The following PHACTR2 variants were observed in gnomAD, a reference collection of about 807,000 sequenced individuals.
PHACTR2 encodes phosphatase and actin regulator 2, also known as chromosome 6 open reading frame 56.
A neutral mutation model predicts 76.0 loss-of-function variants in PHACTR2; 30 were observed. The observed-to-expected ratio is 0.39, with a 90% CI of 0.30 to 0.54. The LOEUF (loss-of-function observed/expected upper bound fraction) is 0.54, where lower values mean the gene tolerates loss of function less well. Ranked by LOEUF, PHACTR2 falls within the 20% of genes least tolerant of loss-of-function variation. The pLI, the probability that PHACTR2 is intolerant of heterozygous loss-of-function variation, is 0.61. For synonymous variants in PHACTR2, 292 were observed against 292.5 expected (o/e 1.00, Z 0.02); for missense variants, 696 against 781.1 (o/e 0.89, Z 1.30).
rs527584131 is a variant in PHACTR2 at position 143,816,673 on chromosome 6, T to C, written c.1923-7001T>C. ...CTGTGTACTGCGATCCATGGGCAAATGGTGTGTGCAGGAAAAAAAAAAAAA... is the reference window on the plus strand; with the variant it reads ...CTGTGTACTGCGATCCATGGGCAAACGGTGTGTGCAGGAAAAAAAAAAAAA... On this transcript the variant is annotated intron_variant, in intron 12 of 12. Coordinates refer to ENST00000440869, the MANE Select transcript of PHACTR2 (RefSeq NM_001100164.2). The surrounding 1 kb of genome is among the most constrained non-coding windows in gnomAD (Gnocchi z 4.5). Among the ~76,000 whole-genome samples, 1 of 151,456 alleles carries C rather than the reference T, an allele frequency of 6.6e-6. No homozygotes were observed. The highest frequency in any genetic ancestry group is 1.9e-4 in the East Asian group (1 of 5,146).
In PHACTR2 at chr6:143,697,125, G is replaced by A. The variant is rs1358594489; in HGVS notation, c.47-14891G>A. 6.6e-6 allele frequency among the ~76,000 whole-genome samples: 1 copy of A among 152,078 alleles called. No homozygotes were observed. The highest frequency in any genetic ancestry group is 2.4e-5 in the African/African-American group (1 of 41,414). On this transcript the variant is annotated intron_variant, in intron 1 of 12. Transcript: ENST00000440869. This position sits in a 1 kb window ranked among gnomAD's most constrained non-coding sequence, Gnocchi z 4.4. Reference sequence around the variant, plus strand: ...TCTGTCATAATGCTATATTATCAAAGAATTTAATTTCAGATTAAAATGGTT... The same window carrying A: ...TCTGTCATAATGCTATATTATCAAAAAATTTAATTTCAGATTAAAATGGTT...
At chr6:143,702,338 A>T (rs563476872) in intron 1 of PHACTR2, among the ~76,000 whole-genome samples, 2 of 151,932 alleles carry the variant, frequency 1.3e-5, no homozygotes, top group South Asian at 4.2e-4. Context: ...CGATCTCTTG[A>T]CCTTGTGATC....
At chr6:143,545,089 A>T (rs570928610) in intron 1 of PHACTR2, among the ~76,000 whole-genome samples, 8 of 152,202 alleles carry the variant, frequency 5.3e-5, no homozygotes, top group Non-Finnish European at 1.2e-4. Context: ...GACTACAGGC[A>T]TGTGCCATCA....
Position 143,802,596 on chromosome 6 carries a change from G to T in PHACTR2, c.1846-4461G>T, listed in dbSNP as rs191140165. 2.0e-3 allele frequency among the ~76,000 whole-genome samples: 272 copies of T among 133,918 alleles called. 2 individuals are homozygous for T. Among genetic ancestry groups the T allele is most frequent in the Non-Finnish European group, 2.0e-3 (130 of 65,326 alleles). The allele number at this position is 133,918 out of a possible 152,430, so 87.9% of individuals were successfully genotyped here. ...TTGGAATTTGAGGCTACAATGAGCT[G>T]TGATCACACCACCTGCACTCCAGCC... On this transcript the variant is annotated intron_variant, in intron 11 of 12. Coordinates refer to ENST00000440869, the MANE Select transcript of PHACTR2 (RefSeq NM_001100164.2).
chr6:143,609,798 T>TA (rs879431254), intron 1 of PHACTR2, among the ~76,000 whole-genome samples: 11 of 152,334 alleles, frequency 7.2e-5, no homozygotes, highest in African/African-American at 2.6e-4. Context: ...AAAGGCCATT[T>TA]AAAAAAAGGA....
At chr6:143,686,789 A>G (rs1181395763) in intron 1 of PHACTR2, among the ~76,000 whole-genome samples, 1 of 152,000 alleles carries the variant, frequency 6.6e-6, no homozygotes, top group Non-Finnish European at 1.5e-5. Flanking sequence ...CCACCCAGGA[A>G]CTTCATTCTT....
At chr6:143,790,676 CT>C (rs758900964) in intron 11 of PHACTR2, among the ~76,000 whole-genome samples, 1,863 of 140,074 alleles carry the variant, frequency 0.013, 31 homozygotes, top group African/African-American at 0.044. Flanking sequence ...TAACAAGATT[CT>C]TTTTTTTTTT....
At chr6:143,724,275 G>C (rs2128464040) in intron 2 of PHACTR2, among the ~76,000 whole-genome samples, 1 of 152,160 alleles carries the variant, frequency 6.6e-6, no homozygotes, top group African/African-American at 2.4e-5. Flanking sequence ...GGGACCACAG[G>C]TTCCCGCCAC....
chr6:143,711,062 C>CA (rs777534115), intron 1 of PHACTR2: 3 of 516,098 alleles, frequency 5.8e-6, no homozygotes, highest in South Asian at 1.4e-5. Flanking sequence ...AAGTGAAATG[C>CA]AAAAAATTGT....
rs1776480599 is a variant in PHACTR2, at chr6:143,823,859, C to T, written c.*170C>T. ...GGAAGTGCTCCTCACCTGTGTGGCC[C>T]AGATGGCTCCAACAAGCAAAAGGAA... On this transcript the variant is annotated 3_prime_UTR_variant, in exon 13 of 13. Coordinates refer to ENST00000440869, the MANE Select transcript of PHACTR2 (RefSeq NM_001100164.2). This position sits in a 1 kb window ranked among gnomAD's most constrained non-coding sequence, Gnocchi z 5.7. 3.6e-6 allele frequency: 2 copies of T among 561,914 alleles called. No homozygotes were observed. Among genetic ancestry groups the T allele is most frequent in the African/African-American group, 1.8e-5 (1 of 54,284 alleles). 34.8% of individuals were successfully genotyped at this position (561,914 alleles called of 1,614,324 possible). A position where few individuals can be genotyped will look rare whatever the true frequency, so the allele number is the denominator to read the frequency against.
Position 143,591,674 on chromosome 6 carries a change from C to T in PHACTR2, c.217+54467C>T, listed in dbSNP as rs887642364. Among the ~76,000 whole-genome samples the T allele has an allele frequency of 1.3e-5, 2 of 152,228 alleles. No individual in the cohort carries two copies. The highest frequency in any genetic ancestry group is 4.8e-5 in the African/African-American group (2 of 41,456). ...GAATTGAGGACATCTCAGAGAATTC[C>T]AGTGGCGATAGATGACGATCCCAAT... On this transcript the variant is annotated intron_variant, in intron 1 of 11. Transcript: ENST00000367584. The surrounding 1 kb of genome is among the most constrained non-coding windows in gnomAD (Gnocchi z 6.4).
intron 2 of PHACTR2, among the ~76,000 whole-genome samples, chr6:143,724,680 T>C (rs1385179080): frequency 2.0e-5 from 3 of 152,244 alleles, no homozygotes; most frequent in Non-Finnish European, 4.4e-5. Context: ...AAACATTTCC[T>C]GTAAATAGCC....
chr6:143,797,243 T>G (rs112064095), intron 11 of PHACTR2, among the ~76,000 whole-genome samples: 3,461 of 152,300 alleles, frequency 0.023, 128 homozygotes, highest in African/African-American at 0.08. Flanking sequence ...CTTAGCCCAT[T>G]TTTTGATGGG....
In PHACTR2 at chr6:143,617,047, G is replaced by A. The variant is rs946881577; in HGVS notation, c.13+8725G>A. Among the ~76,000 whole-genome samples the A allele has an allele frequency of 6.6e-6, 1 of 152,186 alleles. No individual in the cohort carries two copies. The highest frequency in any genetic ancestry group is 6.5e-5 in the Admixed American group (1 of 15,282). ...ACCAGCTTTCAGGAGCCTTTGAAGGGTTTTACGAGACTGGGAAGAATGGAC... is the reference window on the plus strand; with the variant it reads ...ACCAGCTTTCAGGAGCCTTTGAAGGATTTTACGAGACTGGGAAGAATGGAC... On this transcript the variant is annotated intron_variant, in intron 1 of 11. Coordinates refer to the PHACTR2 transcript ENST00000305766. This position sits in a 1 kb window ranked among gnomAD's most constrained non-coding sequence, Gnocchi z 4.8.
intron 1 of PHACTR2, among the ~76,000 whole-genome samples, chr6:143,690,482 G>A (rs1032614813): frequency 3.3e-5 from 5 of 152,144 alleles, no homozygotes; most frequent in African/African-American, 9.7e-5. Context: ...CTCACGGGGT[G>A]TATGGTTTTT....
intron 2 of PHACTR2, among the ~76,000 whole-genome samples, chr6:143,720,226 A>G (rs1305395397): frequency 6.6e-6 from 1 of 152,166 alleles, no homozygotes; most frequent in African/African-American, 2.4e-5. Context: ...ACTCTCATAG[A>G]TTTTAGTGAC....
chr6:143,704,443 C>A (rs992367563), intron 1 of PHACTR2, among the ~76,000 whole-genome samples: 33 of 152,188 alleles, frequency 2.2e-4, no homozygotes, highest in African/African-American at 7.9e-4. Context: ...CAGTAGGCAC[C>A]GAGGCCCCTT....
In PHACTR2 at chr6:143,597,598, G is replaced by A. The variant is rs958731787; in HGVS notation, c.217+60391G>A. Among the ~76,000 whole-genome samples, 2 of 152,068 alleles carry A rather than the reference G, an allele frequency of 1.3e-5. No homozygotes were observed. The highest frequency in any genetic ancestry group is 2.9e-5 in the Non-Finnish European group (2 of 68,014). On this transcript the variant is annotated intron_variant, in intron 1 of 11. Transcript: ENST00000367584. This position sits in a 1 kb window ranked among gnomAD's most constrained non-coding sequence, Gnocchi z 5.7. ...CTTCTGCTGTCTGTTTTTCCTGATG[G>A]GAGCCAGTGATAAAAGGATTAAGGA...
intron 1 of PHACTR2, among the ~76,000 whole-genome samples, chr6:143,705,977 A>T (rs781295512): frequency 6.6e-6 from 1 of 152,208 alleles, no homozygotes; most frequent in South Asian, 2.1e-4. Context: ...CTTCTCCCAC[A>T]TTCATTTATT....
Sources: allele counts gnomAD v4.1 joint callset (sites outside exome capture counted in the v4.1 genomes callset), GRCh38; gene constraint gnomAD v4.1.1; non-coding constraint Gnocchi (gnomAD v3.1); transcripts MANE v1.5; gene names NCBI Gene and HGNC (gene_info 2026-07-23, HGNC 2026-07-21).